PTPN20: variants seen among roughly 807,000 people sequenced by gnomAD.
The protein encoded by PTPN20 is protein tyrosine phosphatase non-receptor type 20, also known as tyrosine-protein phosphatase non-receptor type 20.
PTPN20 carries 9 observed loss-of-function variants against 35.0 expected under a neutral mutation model. The observed-to-expected ratio is 0.26, with a 90% confidence interval of 0.15 to 0.45. PTPN20 has a LOEUF of 0.45. PTPN20 is among the 20% of genes least tolerant of loss of function. The probability of loss-of-function intolerance (pLI) is 1.00; values close to 1 mark genes in which losing one functional copy is unlikely to be tolerated. For synonymous variants in PTPN20, 32 were observed against 100.2 expected (o/e 0.32, Z 4.06); for missense variants, 111 against 312.5 (o/e 0.36, Z 4.86).
chr10:46,926,253 A>G (rs2037336066), intron 1 of PTPN20: 3 of 815,938 alleles, frequency 3.7e-6, no homozygotes, highest in South Asian at 1.1e-4. Context: ...ACTGCACATT[A>G]TGAGACATTT....
intron 9 of PTPN20, among the ~76,000 whole-genome samples, chr10:46,997,869 C>G (rs2059416521): frequency 6.6e-6 from 1 of 152,096 alleles, no homozygotes; most frequent in African/African-American, 2.4e-5. Context: ...GCATTACACA[C>G]CTATCAGAAA....
intron 1 of PTPN20, among the ~76,000 whole-genome samples, chr10:46,932,062 T>TTGTGTGTGTGTG (rs71023200): frequency 7.3e-4 from 98 of 133,702 alleles, no homozygotes; most frequent in African/African-American, 3.1e-3. Flanking sequence ...TTGATTGAAT[T>TTGTGTGTGTGTG]TGTGTGTGTG....
At chr10:46,988,904 A>T in intron 9 of PTPN20, among the ~76,000 whole-genome samples, 2 of 146,834 alleles carry the variant, frequency 1.4e-5, no homozygotes, top group African/African-American at 2.5e-5. Context: ...CCTTTCAGCT[A>T]GTTTGTTATT....
chr10:46,954,600 CT>C (rs554181253), intron 5 of PTPN20, among the ~76,000 whole-genome samples: 1 of 145,542 alleles, frequency 6.9e-6, no homozygotes, highest in Non-Finnish European at 1.5e-5. Flanking sequence ...GATCACCTCT[CT>C]TTTTTTTCAA....
intron 1 of PTPN20, among the ~76,000 whole-genome samples, chr10:46,922,526 A>G (rs1159569953): frequency 9.1e-6 from 1 of 109,876 alleles, no homozygotes; most frequent in African/African-American, 4.5e-5. Flanking sequence ...AGATGGGGCC[A>G]TGGTTTCTCC....
At position 47,002,118 on chromosome 10, in the gene PTPN20, T is replaced by G. The variant is rs2060090967; in HGVS notation, c.*1377T>G. ...AAAATAATTATATGCCAAAAATATA[T>G]TTGATGTTAAATCAAATAGATGATT... is the stretch of plus-strand genomic sequence containing the variant. On this transcript the variant is annotated 3_prime_UTR_variant, in exon 11 of 11. Transcript: ENST00000374339. The G allele has an allele frequency of 6.6e-6, 1 of 152,228 alleles. No homozygotes were observed. Among genetic ancestry groups the G allele is most frequent in the Non-Finnish European group, 1.5e-5 (1 of 67,962 alleles). 9.4% of individuals were successfully genotyped at this position (152,228 alleles called of 1,614,324 possible).
At chr10:47,000,217 G>A (rs2059867680) in intron 10 of PTPN20, among the ~76,000 whole-genome samples, 10 of 152,106 alleles carry the variant, frequency 6.6e-5, no homozygotes, top group Admixed American at 6.5e-4. Context: ...CTGAAGTTGA[G>A]GTCTCCTCGT....
At chr10:46,950,769 A>G (rs2046396097) in intron 5 of PTPN20, among the ~76,000 whole-genome samples, 1 of 152,074 alleles carries the variant, frequency 6.6e-6, no homozygotes. Context: ...AACCAATATA[A>G]TAGTTTATCT....
At chr10:46,989,428 T>G (rs1228891183) in intron 9 of PTPN20, among the ~76,000 whole-genome samples, 1 of 63,378 alleles carries the variant, frequency 1.6e-5, no homozygotes, top group African/African-American at 8.2e-5. Context: ...TGTCATTCAT[T>G]CTGTTGATAT....
At position 46,940,982 on chromosome 10, in the gene PTPN20, T is replaced by G. The variant is rs1589397864; in HGVS notation, c.129+265T>G. Among the ~76,000 whole-genome samples the G allele has an allele frequency of 2.6e-5, 4 of 151,856 alleles. No homozygotes were observed. In the South Asian group the frequency reaches 8.3e-4, roughly 32 times the overall value. ...TACTAATGAAGATACAAAATAAATG[T>G]CACATGAAGTATGAAGCACCTTTAG... On this transcript the variant is annotated intron_variant, in intron 3 of 10. Transcript: ENST00000374339.
intron 7 of PTPN20, among the ~76,000 whole-genome samples, chr10:46,975,548 A>G (rs1221998981): frequency 1.3e-5 from 2 of 152,080 alleles, no homozygotes; most frequent in East Asian, 1.9e-4. Context: ...GCTAAAAGAG[A>G]TAAGTAATTT....
At chr10:46,993,516 T>C (rs1339910191) in intron 9 of PTPN20, among the ~76,000 whole-genome samples, 4 of 152,210 alleles carry the variant, frequency 2.6e-5, no homozygotes, top group Non-Finnish European at 4.4e-5. Flanking sequence ...GTGGCACCCA[T>C]AGCCTAGGGT....
At position 47,001,470 on chromosome 10, in the gene PTPN20, T is replaced by A. The variant is rs2060028546; in HGVS notation, c.*729T>A. ...CTTTTGCCATGCCTGAGTTCTTTCC[T>A]ATCCCACCCTAACACTTAACATATT... On this transcript the variant is annotated 3_prime_UTR_variant, in exon 11 of 11. Coordinates refer to ENST00000374339, the MANE Select transcript of PTPN20 (RefSeq NM_001042357.5). 2 of 152,424 alleles carry A rather than the reference T, an allele frequency of 1.3e-5. No homozygotes were observed. The highest frequency in any genetic ancestry group is 1.3e-4 in the Admixed American group (2 of 15,302). The allele number at this position is 152,424 out of a possible 1,614,324, so 9.4% of individuals were successfully genotyped here. A position where few individuals can be genotyped will look rare whatever the true frequency, so the allele number is the denominator to read the frequency against.
chr10:46,949,390 C>A (rs1484421393), intron 5 of PTPN20, among the ~76,000 whole-genome samples: 3 of 152,200 alleles, frequency 2.0e-5, no homozygotes, highest in African/African-American at 7.2e-5. Flanking sequence ...ACTTCTTTCC[C>A]ATTTGTATAG....
At chr10:46,949,499 C>T (rs1473987773) in intron 5 of PTPN20, among the ~76,000 whole-genome samples, 11 of 152,206 alleles carry the variant, frequency 7.2e-5, no homozygotes, top group African/African-American at 2.7e-4. Context: ...TTGCAGACTA[C>T]TTGGTTGCCC....
At chr10:46,932,106 A>T (rs1390398273) in intron 1 of PTPN20, among the ~76,000 whole-genome samples, 3 of 148,856 alleles carry the variant, frequency 2.0e-5, no homozygotes, top group African/African-American at 5.2e-5. Context: ...ATATAAAGAG[A>T]TACGTCATTG....
At chr10:46,964,569 A>T (rs1445256753) in intron 5 of PTPN20, among the ~76,000 whole-genome samples, 2 of 148,624 alleles carry the variant, frequency 1.3e-5, no homozygotes, top group Non-Finnish European at 3.0e-5. Flanking sequence ...CAGGACGTGA[A>T]CTCTCCACAT....
intron 1 of PTPN20, among the ~76,000 whole-genome samples, chr10:46,928,279 G>C (rs1467843487): frequency 6.6e-6 from 1 of 152,038 alleles, no homozygotes; most frequent in Non-Finnish European, 1.5e-5. Flanking sequence ...TGAGTGGGTA[G>C]CAACTATTTT....
At position 46,999,955 on chromosome 10, in the gene PTPN20, C is replaced by G. The variant is rs1181715012; in HGVS notation, c.1178C>G (p.Ser393Cys). Reference sequence around the variant, plus strand: ...GTGGCCCAAATGAGAGAACAACGTTCTGGCATGGTTCAAACGAAGGTAAGC... The same window carrying G: ...GTGGCCCAAATGAGAGAACAACGTTGTGGCATGGTTCAAACGAAGGTAAGC... ...DIVAQMREQR[S>C]GMVQTKEQYH... is the part of the protein sequence containing the mutation. Residue 393 changes from serine (S) to cysteine (C), a missense_variant, in exon 10 of 11, where the codon TCT becomes TGT. Ser to Cys is a moderately radical substitution (Grantham distance 112). Transcript: ENST00000374339. The G allele has an allele frequency of 8.1e-6, 13 of 1,613,654 alleles. No homozygotes were observed. The highest frequency in any genetic ancestry group is 1.1e-5 in the Non-Finnish European group (13 of 1,179,734).
Sources: gnomAD v4.1 joint callset for allele counts (sites outside exome capture counted in the v4.1 genomes callset) on GRCh38, gnomAD v4.1.1 for gene constraint, MANE v1.5 for transcripts, NCBI Gene and HGNC (gene_info 2026-07-23, HGNC 2026-07-21) for gene names.